Variants in SLCO1B3 observed in about 807,000 individuals in gnomAD.
The protein encoded by SLCO1B3 is liver-specific organic anion transporter 2.
A neutral mutation model predicts 71.8 loss-of-function variants in SLCO1B3; 72 were observed. The ratio of observed to expected loss-of-function variants is 1.00; its 90% CI spans 0.83 to 1.22. The LOEUF is 1.22. Ranked by LOEUF, SLCO1B3 falls within the 50% of genes most tolerant of loss-of-function variation. SLCO1B3 has a pLI of 0.00. For synonymous variants in SLCO1B3, 298 were observed against 278.4 expected (o/e 1.07, Z -0.70); for missense variants, 911 against 819.7 (o/e 1.11, Z -1.36).
chr12:20,914,738 G>A (rs1866459051), intron 15 of SLCO1B3, among the ~76,000 whole-genome samples: 1 of 152,068 alleles, frequency 6.6e-6, no homozygotes, highest in South Asian at 2.1e-4. Flanking sequence ...GTATGACAGT[G>A]TCTTTATTTC....
chr12:20,909,400 CCTG>C (rs898285744), intron 15 of SLCO1B3, among the ~76,000 whole-genome samples: 3 of 150,684 alleles, frequency 2.0e-5, no homozygotes, highest in Non-Finnish European at 4.4e-5. Flanking sequence ...GTCTTGATCT[CCTG>C]ACCTTGTGAT....
chr12:20,896,042 G>A (rs1328734827), intron 13 of SLCO1B3, among the ~76,000 whole-genome samples: 1 of 152,176 alleles, frequency 6.6e-6, no homozygotes, highest in Admixed American at 6.5e-5. Context: ...GGAGCAGCTG[G>A]GATGCAGGGC....
intron 3 of SLCO1B3, among the ~76,000 whole-genome samples, chr12:20,835,710 C>A (rs1299297322): frequency 6.6e-6 from 1 of 152,168 alleles, no homozygotes; most frequent in African/African-American, 2.4e-5. Context: ...ACCAAACTTT[C>A]CCACATCTTC....
intron 3 of SLCO1B3, among the ~76,000 whole-genome samples, chr12:20,827,754 A>G (rs1465357327): frequency 1.3e-5 from 2 of 152,032 alleles, no homozygotes; most frequent in Non-Finnish European, 2.9e-5. Flanking sequence ...GTATTTTTGT[A>G]GAGACAGGGT....
chr12:20,876,500 G>A (rs1360885359), intron 9 of SLCO1B3, among the ~76,000 whole-genome samples: 1 of 151,772 alleles, frequency 6.6e-6, no homozygotes, highest in Non-Finnish European at 1.5e-5. Flanking sequence ...TTTTTTTGTT[G>A]TTGTTATTTT....
At chr12:20,823,114 G>A (rs940513695) in intron 3 of SLCO1B3, among the ~76,000 whole-genome samples, 1 of 152,082 alleles carries the variant, frequency 6.6e-6, no homozygotes, top group Non-Finnish European at 1.5e-5. Context: ...CACAGTAGAA[G>A]GAACAATCCT....
chr12:20,854,982 A>C, intron 3 of SLCO1B3, 46 bp from the exon 4 acceptor site: 1 of 1,546,944 alleles, frequency 6.5e-7, no homozygotes, highest in Non-Finnish European at 8.8e-7. Context: ...AACATTATAT[A>C]GTTCTTTGAT....
chr12:20,862,629 ATTTT>A, intron 7 of SLCO1B3, 71 bp downstream of exon 7: 1 of 1,493,464 alleles, frequency 6.7e-7, no homozygotes, highest in South Asian at 1.3e-5. Flanking sequence ...TAATGTCATT[ATTTT>A]TTTCTTTTAC....
At chr12:20,869,661 G>T (rs1389054712) in intron 8 of SLCO1B3, among the ~76,000 whole-genome samples, 1 of 152,082 alleles carries the variant, frequency 6.6e-6, no homozygotes. Context: ...CATATTGCAG[G>T]ATGTCCTTTC....
intron 8 of SLCO1B3, among the ~76,000 whole-genome samples, chr12:20,871,707 C>T (rs1329462522): frequency 1.3e-5 from 2 of 152,118 alleles, no homozygotes; most frequent in African/African-American, 2.4e-5. Context: ...TCTTCCCCTG[C>T]TTTCTCCAAA....
intron 13 of SLCO1B3, 21 bp downstream of exon 13, chr12:20,883,623 C>T (rs1865738402): frequency 6.6e-7 from 1 of 1,520,604 alleles, no homozygotes; most frequent in South Asian, 1.2e-5. Flanking sequence ...TCCTGTAAAA[C>T]ATTGTCATGT....
At chr12:20,829,046 T>C (rs1359210916) in intron 3 of SLCO1B3, among the ~76,000 whole-genome samples, 10 of 152,182 alleles carry the variant, frequency 6.6e-5, no homozygotes, top group Non-Finnish European at 1.2e-4. Context: ...GTAGCCTTTT[T>C]CCCCATAATT....
At chr12:20,846,014 C>T (rs1227069220) in intron 3 of SLCO1B3, among the ~76,000 whole-genome samples, 1 of 150,192 alleles carries the variant, frequency 6.7e-6, no homozygotes, top group Admixed American at 6.6e-5. Context: ...CTGTGGAAAT[C>T]GAAATCAAAA....
intron 8 of SLCO1B3, among the ~76,000 whole-genome samples, chr12:20,868,631 T>C (rs11045570): frequency 0.72 from 109,996 of 151,866 alleles, 42,428 homozygotes; most frequent in South Asian, 0.9. Context: ...TGTGCGGAGA[T>C]GAGAGAGTGT....
In SLCO1B3 at chr12:20,877,828, C is replaced by T; in HGVS notation, c.1027C>T (p.Leu343Phe). 1 of 1,573,908 alleles carries T rather than the reference C, an allele frequency of 6.4e-7. No homozygotes were observed. Among genetic ancestry groups the T allele is most frequent in the Non-Finnish European group, 8.6e-7 (1 of 1,161,108 alleles). ...LTNPLYVIFL[L>F]LTLLQVSSFI... ...CAATCCCCTGTATGTTATATTTCTG[C>T]TTTTGACATTGTTACAAGTAAGCAG... is the stretch of plus-strand genomic sequence containing the variant. Residue 343 changes from leucine (L) to phenylalanine (F), a missense_variant, in exon 10 of 16, where the codon CTT (leucine) becomes TTT (phenylalanine). Coordinates refer to ENST00000381545, the MANE Select transcript of SLCO1B3 (RefSeq NM_019844.4).
intron 8 of SLCO1B3, among the ~76,000 whole-genome samples, chr12:20,869,070 T>C (rs1051449749): frequency 6.6e-6 from 1 of 152,104 alleles, no homozygotes; most frequent in African/African-American, 2.4e-5. Context: ...GGCCTCTGGA[T>C]AACTGCGGGC....
At chr12:20,896,073 A>G (rs1376972483) in intron 13 of SLCO1B3, among the ~76,000 whole-genome samples, 1 of 152,216 alleles carries the variant, frequency 6.6e-6, no homozygotes, top group African/African-American at 2.4e-5. Context: ...TAGGCTGCAC[A>G]TAGCACAGGG....
At chr12:20,895,187 C>T (rs1865980691) in intron 13 of SLCO1B3, among the ~76,000 whole-genome samples, 1 of 152,096 alleles carries the variant, frequency 6.6e-6, no homozygotes, top group South Asian at 2.1e-4. Flanking sequence ...TTTCATTCCA[C>T]CCCTGTCCCC....
intron 13 of SLCO1B3, among the ~76,000 whole-genome samples, chr12:20,884,292 TTAA>T (rs1389890114): frequency 6.6e-6 from 1 of 152,062 alleles, no homozygotes; most frequent in Non-Finnish European, 1.5e-5. Flanking sequence ...GCTGTTTGTC[TTAA>T]TAAGGAAAAA....
Sources: gnomAD v4.1 joint callset for allele counts (sites outside exome capture counted in the v4.1 genomes callset) on GRCh38, gnomAD v4.1.1 for gene constraint, MANE v1.5 for transcripts, NCBI Gene and HGNC (gene_info 2026-07-23, HGNC 2026-07-21) for gene names.